Variants in NPEPL1 observed in about 807,000 individuals in gnomAD.
NPEPL1 encodes aminopeptidase like 1.
A neutral mutation model predicts 52.4 loss-of-function variants in NPEPL1; 45 were observed. That is an observed-to-expected ratio of 0.86 (90% CI 0.68 to 1.10). The LOEUF (loss-of-function observed/expected upper bound fraction) is 1.10, where lower values mean the gene tolerates loss of function less well. Among genes scored for constraint, NPEPL1 ranks in the 50% least tolerant of loss-of-function variants. NPEPL1 has a pLI of 0.00. For missense variants in NPEPL1, 696 were observed against 710.9 expected (o/e 0.98, Z 0.24); for synonymous variants, 360 against 314.7 (o/e 1.14, Z -1.52).
intron 3 of NPEPL1, among the ~76,000 whole-genome samples, chr20:58,696,394 T>C (rs1028119235): frequency 6.6e-6 from 1 of 152,248 alleles, no homozygotes; most frequent in Non-Finnish European, 1.5e-5. Flanking sequence ...GTCACATCTT[T>C]GTTGATCTCC....
At chr20:58,707,870 G>C (rs907210404) in intron 7 of NPEPL1, among the ~76,000 whole-genome samples, 4 of 152,166 alleles carry the variant, frequency 2.6e-5, no homozygotes, top group African/African-American at 9.7e-5. Flanking sequence ...TTGAAAGCCA[G>C]AAATTCAAGA....
At chr20:58,705,297 G>A (rs2084716059) in intron 6 of NPEPL1, among the ~76,000 whole-genome samples, 1 of 152,072 alleles carries the variant, frequency 6.6e-6, no homozygotes, top group Non-Finnish European at 1.5e-5. Context: ...AGTGGCTCAT[G>A]GAGCTCAGAA....
chr20:58,704,699 C>G (rs2084703875), intron 6 of NPEPL1, among the ~76,000 whole-genome samples: 2 of 152,158 alleles, frequency 1.3e-5, no homozygotes, highest in South Asian at 2.1e-4. Context: ...TTCAGTTGAA[C>G]TGTATCAAGA....
chr20:58,693,993 C>T, intron 2 of NPEPL1, 71 bp downstream of exon 2: 1 of 1,425,606 alleles, frequency 7.0e-7, no homozygotes, highest in South Asian at 1.4e-5. Context: ...CTGGGGAGCT[C>T]ACAGCCCTGC....
upstream of NPEPL1, chr20:58,692,797 G>T (rs1181719219): frequency 2.1e-6 from 2 of 973,242 alleles, no homozygotes; most frequent in East Asian, 2.3e-4. The surrounding 1 kb of genome is among the most constrained non-coding windows in gnomAD (Gnocchi z 5.7). Context: ...CGGGCTGCCG[G>T]GCAGGGCCGG....
In NPEPL1 at chr20:58,713,505, G is replaced by A. The variant is rs748223622; in HGVS notation, c.1087G>A (p.Asp363Asn). 31 of 1,611,018 alleles carry A rather than the reference G, an allele frequency of 1.9e-5. No homozygotes were observed. The highest frequency in any genetic ancestry group is 3.3e-5 in the South Asian group (3 of 90,498). ...CTATGCTTGCAAGGACCTGGGGGCCGACATCATCCTGGACATGGCCACCCT... is the reference window on the plus strand; with the variant it reads ...CTATGCTTGCAAGGACCTGGGGGCCAACATCATCCTGGACATGGCCACCCT... ...VSYACKDLGA[D>N]IILDMATLTG... Residue 363 changes from aspartate (D) to asparagine (N), a missense_variant, in exon 9 of 12, where the codon GAC becomes AAC. By Grantham distance (23) the Asp-to-Asn change is conservative. Coordinates refer to ENST00000356091, the MANE Select transcript of NPEPL1 (RefSeq NM_024663.4). This position sits in a 1 kb window ranked among gnomAD's most constrained non-coding sequence, Gnocchi z 4.6.
chr20:58,704,135 G>T, intron 6 of NPEPL1: 1 of 985,340 alleles, frequency 1.0e-6, no homozygotes, highest in Non-Finnish European at 1.2e-6. Flanking sequence ...ACCTGAAGGC[G>T]CTCACAATCT....
intron 2 of NPEPL1, 71 bp downstream of exon 2, chr20:58,693,993 C>A: frequency 2.1e-6 from 3 of 1,425,606 alleles, no homozygotes; most frequent in South Asian, 1.4e-5. Context: ...CTGGGGAGCT[C>A]ACAGCCCTGC....
chr20:58,703,837 A>G (rs762676657), intron 6 of NPEPL1: 10 of 984,998 alleles, frequency 1.0e-5, no homozygotes, highest in Non-Finnish European at 1.2e-5. Context: ...ACTGCCAGAG[A>G]GTAGGGCATT....
intron 11 of NPEPL1, 95 bp from the exon 12 acceptor site, chr20:58,715,073 C>A: frequency 7.4e-7 from 1 of 1,345,446 alleles, no homozygotes; most frequent in Non-Finnish European, 1.0e-6. Context: ...GACTGTGGGG[C>A]ACGTGGAGGG....
At chr20:58,698,554 C>T (rs568608692) in intron 3 of NPEPL1, 130 bp from the exon 4 acceptor site, 1 of 775,554 alleles carries the variant, frequency 1.3e-6, no homozygotes, top group African/African-American at 1.7e-5. Flanking sequence ...CCCCTCTCCC[C>T]TCTCTTTGCT....
chr20:58,704,901 T>C (rs1258334656), intron 6 of NPEPL1, among the ~76,000 whole-genome samples: 1 of 152,244 alleles, frequency 6.6e-6, no homozygotes, highest in Non-Finnish European at 1.5e-5. Context: ...TTAAATCCGC[T>C]GTTCTCTCTC....
chr20:58,694,037 C>A (rs1382103867), intron 2 of NPEPL1, 115 bp downstream of exon 2: 1 of 1,022,112 alleles, frequency 9.8e-7, no homozygotes, highest in Admixed American at 2.7e-5. Context: ...GGGCTGTGGA[C>A]GTTATCATCC....
upstream of NPEPL1, chr20:58,691,011 T>G (rs1332191539): frequency 8.7e-6 from 6 of 686,728 alleles, no homozygotes; most frequent in African/African-American, 8.8e-5. Context: ...CTGGACATAT[T>G]CTGCGTCTGT....
At chr20:58,694,928 A>G (rs998645620) in intron 3 of NPEPL1, among the ~76,000 whole-genome samples, 6 of 138,194 alleles carry the variant, frequency 4.3e-5, no homozygotes, top group South Asian at 4.7e-4. Context: ...GTGTGTGTGT[A>G]TGTGCGTGCA....
At position 58,698,946 on chromosome 20, in the gene NPEPL1, G is replaced by A. The variant is rs547440659; in HGVS notation, c.597+173G>A. The stretch of plus-strand genomic sequence containing the variant: ...CGGGCTCCAGGAAGCCTCAGGAAAG[G>A]GTGTGTGGGGAGGACAGAGCCTCCT... On this transcript the variant is annotated intron_variant, in intron 4 of 11. Coordinates refer to ENST00000356091, the MANE Select transcript of NPEPL1 (RefSeq NM_024663.4). 1.5e-3 allele frequency among the ~76,000 whole-genome samples: 229 copies of A among 152,344 alleles called. 1 individual carries two copies. The highest frequency in any genetic ancestry group is 1.4e-3 in the South Asian group (7 of 4,832).
chr20:58,705,654 T>C (rs889291862), intron 6 of NPEPL1: 4 of 430,024 alleles, frequency 9.3e-6, no homozygotes, highest in African/African-American at 6.1e-5. Context: ...AAACAACATA[T>C]GGGGGCTGGT....
At position 58,693,806 on chromosome 20, in the gene NPEPL1, G is replaced by A. The variant is rs749957324; in HGVS notation, c.220G>A (p.Ala74Thr). The change falls in exon 2 of 12, where the codon GCC becomes ACC. Residue 74 changes from alanine (A) to threonine (T), a missense_variant. Coordinates refer to ENST00000356091, the MANE Select transcript of NPEPL1 (RefSeq NM_024663.4). ...CAGCTGTCCCCTCTACCTGAACTAC[G>A]CCACCGTGGCTGCCCTGCCCTGCAG... Reference protein sequence around the residue: ...TDSCPLYLNYATVAALPCRVS... With the variant: ...TDSCPLYLNYTTVAALPCRVS... 1.2e-6 allele frequency: 2 copies of A among 1,613,594 alleles called. No individual in the cohort carries two copies. Among genetic ancestry groups the A allele is most frequent in the African/African-American group, 1.3e-5 (1 of 74,914 alleles).
chr20:58,702,870 C>T (rs908294488), intron 6 of NPEPL1, among the ~76,000 whole-genome samples: 2 of 152,242 alleles, frequency 1.3e-5, no homozygotes, highest in African/African-American at 4.8e-5. Flanking sequence ...TTCCAGCAAT[C>T]ACAACACCCA....
Sources: allele counts gnomAD v4.1 joint callset (sites outside exome capture counted in the v4.1 genomes callset), GRCh38; gene constraint gnomAD v4.1.1; non-coding constraint Gnocchi (gnomAD v3.1); transcripts MANE v1.5; gene names NCBI Gene and HGNC (gene_info 2026-07-23, HGNC 2026-07-21).